The following EPG5 variants were observed in gnomAD, a reference collection of about 807,000 sequenced individuals.
EPG5 encodes ectopic P-granules 5 autophagy tethering factor.
In EPG5, 159 loss-of-function variants were observed where a neutral mutation model predicts 302.7. The observed-to-expected ratio is 0.53, with a 90% CI of 0.46 to 0.60. The LOEUF (loss-of-function observed/expected upper bound fraction) is 0.60, where lower values mean the gene tolerates loss of function less well. EPG5 is among the 20% of genes least tolerant of loss of function. EPG5 has a pLI of 0.00. For synonymous variants in EPG5, 1,158 were observed against 1,136.8 expected (o/e 1.02, Z -0.37); for missense variants, 2,896 against 3,092.4 (o/e 0.94, Z 1.51).
chr18:45,912,282 C>T lies in EPG5; in HGVS notation c.3983+8G>A, dbSNP rs1159038890. ...ACTCACAGAAACCTACAATACTGGG[C>T]AGCATACCCATACTGTGGTCCCGGA... On this transcript the variant is annotated splice_region_variant and intron_variant, in intron 22 of 43. Transcript: ENST00000282041. 1 of 1,570,040 alleles carries T rather than the reference C, an allele frequency of 6.4e-7. No individual in the cohort carries two copies. The highest frequency in any genetic ancestry group is 8.6e-7 in the Non-Finnish European group (1 of 1,161,660).
At chr18:45,852,782 C>T (rs1216344749) in intron 43 of EPG5, 133 bp from the exon 44 acceptor site, 2 of 769,310 alleles carry the variant, frequency 2.6e-6, no homozygotes, top group African/African-American at 1.8e-5. Context: ...AGAACTGAGG[C>T]CAGGAGTCCG....
rs192587228 is a variant in EPG5, at chr18:45,910,499, G to A, written c.4205+22C>T. 5.9e-5 allele frequency: 91 copies of A among 1,554,412 alleles called. No individual in the cohort carries two copies. In the Middle Eastern group the frequency reaches 1.6e-3, roughly 28 times the overall value. On this transcript the variant is annotated intron_variant, in intron 23 of 43. Transcript: ENST00000282041. ...ACCTGTGCTGCAAACAACAATGTAG[G>A]TGGCTAAATAACCATACTCACCTCA...
At chr18:45,812,171 C>T in the EPG5 span, among the ~76,000 whole-genome samples, 6 of 152,136 alleles carry the variant, frequency 3.9e-5, no homozygotes, top group Non-Finnish European at 7.3e-5. Context: ...TTTGCCATTG[C>T]TTCACAGAGA....
At chr18:45,948,166 C>T (rs1377987876) in intron 6 of EPG5, among the ~76,000 whole-genome samples, 2 of 152,190 alleles carry the variant, frequency 1.3e-5, no homozygotes, top group Non-Finnish European at 2.9e-5. Context: ...TGCATAGCTT[C>T]GCAATTTAGC....
chr18:45,860,506 A>T (rs1259208388), intron 39 of EPG5, among the ~76,000 whole-genome samples, 160 bp from the exon 40 acceptor site: 1 of 152,230 alleles, frequency 6.6e-6, no homozygotes, highest in Non-Finnish European at 1.5e-5. Flanking sequence ...GGATGGTGTT[A>T]AGTTTGTACA....
chr18:45,880,870 G>T (rs1477480617), intron 31 of EPG5, among the ~76,000 whole-genome samples: 3 of 152,156 alleles, frequency 2.0e-5, no homozygotes, highest in African/African-American at 7.2e-5. Context: ...GAGAACGATG[G>T]TGAGGCCAGT....
In EPG5 at chr18:45,893,654, A is replaced by G. The variant is rs180839238; in HGVS notation, c.4810-3714T>C. On this transcript the variant is annotated intron_variant, in intron 27 of 43. Coordinates refer to ENST00000282041, the MANE Select transcript of EPG5 (RefSeq NM_020964.3). ...GCAAGTGACAAAAAGTACTGTGAACATGGCTGGGAAAGACAGTGCAACCAT... is the reference window on the plus strand; with the variant it reads ...GCAAGTGACAAAAAGTACTGTGAACGTGGCTGGGAAAGACAGTGCAACCAT... 4.9e-3 allele frequency among the ~76,000 whole-genome samples: 739 copies of G among 152,250 alleles called. 7 individuals carry two copies. Among genetic ancestry groups the G allele is most frequent in the African/African-American group, 0.017 (690 of 41,548 alleles).
intron 42 of EPG5, among the ~76,000 whole-genome samples, chr18:45,856,838 T>C (rs1002166642): frequency 2.0e-5 from 3 of 152,234 alleles, no homozygotes; most frequent in Admixed American, 2.0e-4. Flanking sequence ...TGGCAAATTC[T>C]TCCATGCCTT....
the EPG5 span, chr18:45,842,015 T>C: frequency 8.5e-7 from 1 of 1,174,366 alleles, no homozygotes; most frequent in South Asian, 1.2e-5. Context: ...CCAGAATGTC[T>C]CCTCTTCTTG....
chr18:45,837,827 C>T, the EPG5 span: 3 of 1,535,972 alleles, frequency 2.0e-6, no homozygotes, highest in Non-Finnish European at 2.6e-6. Context: ...CTACTTCTGC[C>T]GCGTCGAGTT....
Position 45,901,175 on chromosome 18 carries a change from A to G in EPG5, c.4475-8T>C. 1.2e-6 allele frequency: 2 copies of G among 1,613,474 alleles called. No individual in the cohort carries two copies. Among genetic ancestry groups the G allele is most frequent in the Non-Finnish European group, 1.7e-6 (2 of 1,179,694 alleles). On this transcript the variant is annotated splice_polypyrimidine_tract_variant and splice_region_variant and intron_variant, in intron 25 of 43. Coordinates refer to ENST00000282041, the MANE Select transcript of EPG5 (RefSeq NM_020964.3). ...TTAAAACCCTTTCTTTAGCTGAAAG[A>G]AAATTAAGTCATATATACTGAGCAA...
intron 27 of EPG5, among the ~76,000 whole-genome samples, chr18:45,897,260 C>T (rs771936203): frequency 2.0e-5 from 3 of 152,196 alleles, no homozygotes; most frequent in Non-Finnish European, 4.4e-5. Context: ...AGCAAGCCAT[C>T]AGCCAGAACT....
At position 45,906,009 on chromosome 18, in the gene EPG5, A is replaced by C. The variant is rs116970938; in HGVS notation, c.4330-1892T>G. Among the ~76,000 whole-genome samples, 7 of 152,264 alleles carry C rather than the reference A, an allele frequency of 4.6e-5. No homozygotes were observed. The East Asian group carries it at 1.4e-3, about 29-fold the overall frequency. On this transcript the variant is annotated intron_variant, in intron 24 of 43. Coordinates refer to ENST00000282041, the MANE Select transcript of EPG5 (RefSeq NM_020964.3). Reference sequence around the variant, plus strand: ...ATTTCTCTGTGCGTTAAATGCTGTTATCTCTCAATGTTCCATCTTCAGTCC... The same window carrying C: ...ATTTCTCTGTGCGTTAAATGCTGTTCTCTCTCAATGTTCCATCTTCAGTCC...
At chr18:45,837,518 C>T in the EPG5 span, 3 of 1,499,068 alleles carry the variant, frequency 2.0e-6, no homozygotes, top group East Asian at 2.7e-5. Flanking sequence ...CTCAGGCTCG[C>T]CAGCGCAGCG....
intron 1 of EPG5, 150 bp downstream of exon 1, chr18:45,967,027 A>G (rs1164304706): frequency 5.4e-5 from 38 of 702,278 alleles, no homozygotes; most frequent in Non-Finnish European, 2.3e-5. Context: ...GGCCGGTGTC[A>G]ACGGGTGGTG....
chr18:45,858,649 C>G lies in EPG5; in HGVS notation c.7143G>C (p.Gln2381His). ...TTAAAGTCTGTTCGCTGTTTAAACA[C>G]TGAAGCAAGTAGACGTAAAGAGTCA... is the stretch of plus-strand genomic sequence containing the variant. ...SYLTLYVYLL[Q>H]CLNSEQTLRN... The change falls in exon 41 of 44, where the codon CAG (glutamine) becomes CAC (histidine). Residue 2381 changes from glutamine to histidine, a missense_variant. This residue lies in a region of EPG5 where 620 missense variants were observed against 704.2 expected (regional missense o/e 0.88). Coordinates refer to ENST00000282041, the MANE Select transcript of EPG5 (RefSeq NM_020964.3). The G allele has an allele frequency of 6.2e-7, 1 of 1,614,156 alleles. No individual in the cohort carries two copies. Among genetic ancestry groups the G allele is most frequent in the Admixed American group, 1.7e-5 (1 of 60,020 alleles).
chr18:45,914,487 T>C (rs1450904959), intron 20 of EPG5, among the ~76,000 whole-genome samples: 1 of 152,100 alleles, frequency 6.6e-6, no homozygotes, highest in Non-Finnish European at 1.5e-5. Flanking sequence ...GTCTAAGAGG[T>C]GGTAATGATA....
At chr18:45,887,622 A>G (rs2049246669) in intron 29 of EPG5, 129 bp downstream of exon 29, 1 of 700,094 alleles carries the variant, frequency 1.4e-6, no homozygotes, top group African/African-American at 1.8e-5. Flanking sequence ...CAACTCCAAG[A>G]GGCTTCTGAC....
Position 45,852,038 on chromosome 18 carries a change from A to G in EPG5, c.*429T>C, listed in dbSNP as rs1349242815. 6.5e-6 allele frequency: 1 copy of G among 154,152 alleles called. No individual in the cohort carries two copies. Among genetic ancestry groups the G allele is most frequent in the Non-Finnish European group, 1.4e-5 (1 of 69,502 alleles). The allele number at this position is 154,152 out of a possible 1,614,324, so 9.5% of individuals were successfully genotyped here. On this transcript the variant is annotated 3_prime_UTR_variant, in exon 44 of 44. Coordinates refer to ENST00000282041, the MANE Select transcript of EPG5 (RefSeq NM_020964.3). ...AAATTGACTTCTTTACTTTGGAGGA[A>G]CACAAATGGGGTTTAAAAGTAAGGG... is the stretch of plus-strand genomic sequence containing the variant.
Sources: gnomAD v4.1 joint callset for allele counts (sites outside exome capture counted in the v4.1 genomes callset) on GRCh38, gnomAD v4.1.1 for gene constraint, gnomAD v4.1.1 regional missense constraint, MANE v1.5 for transcripts, NCBI Gene and HGNC (gene_info 2026-07-23, HGNC 2026-07-21) for gene names.